The following DNMT3B variants were observed in gnomAD, a reference collection of about 807,000 sequenced individuals.
DNMT3B encodes the protein DNA (cytosine-5)-methyltransferase 3B.
Under a neutral mutation model 120.2 loss-of-function variants are expected in DNMT3B, and 37 were observed. The ratio of observed to expected loss-of-function variants is 0.31; its 90% CI spans 0.24 to 0.40. The LOEUF (loss-of-function observed/expected upper bound fraction) is 0.40, where lower values mean the gene tolerates loss of function less well. Ranked by LOEUF, DNMT3B falls within the 10% of genes least tolerant of loss-of-function variation. The probability of loss-of-function intolerance (pLI) is 1.00; values close to 1 mark genes in which losing one functional copy is unlikely to be tolerated. For missense variants in DNMT3B, 878 were observed against 1,137.3 expected (o/e 0.77, Z 3.28); for synonymous variants, 412 against 442.8 (o/e 0.93, Z 0.87).
chr20:32,796,973 T>C, intron 13 of DNMT3B, 104 bp downstream of exon 13: 4 of 1,613,542 alleles, frequency 2.5e-6, no homozygotes, highest in Non-Finnish European at 3.4e-6. Context: ...AGCCCACTCA[T>C]CCCAGCTGCC....
At position 32,780,544 on chromosome 20, in the gene DNMT3B, G is replaced by A. The variant is rs181671547; in HGVS notation, c.142+79G>A. 3.9e-3 allele frequency: 6,166 copies of A among 1,569,422 alleles called. 50 individuals carry two copies. The Middle Eastern group carries it at 0.055, about 14-fold the overall frequency. On this transcript the variant is annotated intron_variant, in intron 2 of 22. Transcript: ENST00000328111. ...CACTGCAGACAACTGGAGGCTTTGG[G>A]GAGAGTCTCTGACAACCTCCACCAC...
intron 19 of DNMT3B, among the ~76,000 whole-genome samples, chr20:32,802,102 C>T (rs1981409041): frequency 6.6e-6 from 1 of 152,150 alleles, no homozygotes; most frequent in Non-Finnish European, 1.5e-5. Flanking sequence ...TGGAGGATCA[C>T]TTGAGCCCAC....
Position 32,801,349 on chromosome 20 carries a change from C to T in DNMT3B, c.2068C>T (p.Arg690Trp). The T allele has an allele frequency of 6.2e-7, 1 of 1,614,128 alleles. No individual in the cohort carries two copies. Among genetic ancestry groups the T allele is most frequent in the Non-Finnish European group, 8.5e-7 (1 of 1,180,016 alleles). Residue 690 changes from arginine (R) to tryptophan (W), a missense_variant, in exon 19 of 23, where the codon CGG becomes TGG. Arg to Trp is a moderately radical substitution (Grantham distance 101). This residue lies in a region of DNMT3B where 334 missense variants were observed against 518.8 expected (regional missense o/e 0.64). Coordinates refer to ENST00000328111, the MANE Select transcript of DNMT3B (RefSeq NM_006892.4). ...CTCACGCCCCAAGGAGGGTGATGACCGGCCGTTCTTCTGGATGTTTGAGAA... is the reference window on the plus strand; with the variant it reads ...CTCACGCCCCAAGGAGGGTGATGACTGGCCGTTCTTCTGGATGTTTGAGAA... ...NYSRPKEGDD[R>W]PFFWMFENVV... is the part of the protein sequence containing the mutation.
At chr20:32,781,736 A>C (rs1293894780) in intron 3 of DNMT3B, among the ~76,000 whole-genome samples, 3 of 152,256 alleles carry the variant, frequency 2.0e-5, no homozygotes, top group African/African-American at 7.2e-5. Context: ...TACATTTTAA[A>C]TTGAGTGCCA....
intron 12 of DNMT3B, among the ~76,000 whole-genome samples, 194 bp downstream of exon 12, chr20:32,795,888 G>C (rs1980566114): frequency 6.6e-6 from 1 of 152,214 alleles, no homozygotes; most frequent in Admixed American, 6.5e-5. Context: ...CCCCTTAAGA[G>C]AAAGGTACAG....
intron 7 of DNMT3B, among the ~76,000 whole-genome samples, chr20:32,789,700 T>G (rs1383742924): frequency 2.0e-5 from 3 of 152,072 alleles, no homozygotes; most frequent in African/African-American, 7.2e-5. Context: ...TTCAAACAAT[T>G]CTCCTGCCTC....
intron 1 of DNMT3B, among the ~76,000 whole-genome samples, chr20:32,764,671 G>A (rs1987194357): frequency 6.6e-6 from 1 of 152,222 alleles, no homozygotes; most frequent in African/African-American, 2.4e-5. Flanking sequence ...CTACTGCAAA[G>A]GTGTAATTGC....
Position 32,799,306 on chromosome 20 carries a change from ATTGT to A in DNMT3B, c.1741_1744del (p.Phe581MetfsTer8). 2 of 1,613,420 alleles carry A rather than the reference ATTGT, an allele frequency of 1.2e-6. No individual in the cohort carries two copies. Among genetic ancestry groups the A allele is most frequent in the Non-Finnish European group, 1.7e-6 (2 of 1,179,792 alleles). ...GAAGGCGGCCCATTCGAGTCCTGTC[ATTGT>A]TTGATGGCATCGCGACAGGTGAGTT... On this transcript the variant is annotated frameshift_variant, in exon 16 of 23. Coordinates refer to ENST00000328111, the MANE Select transcript of DNMT3B (RefSeq NM_006892.4). LOFTEE classifies it high-confidence loss of function.
chr20:32,774,963 C>G (rs1353827262), intron 1 of DNMT3B, among the ~76,000 whole-genome samples: 1 of 152,052 alleles, frequency 6.6e-6, no homozygotes, highest in African/African-American at 2.4e-5. Flanking sequence ...CTCAAGTGAT[C>G]AACCCGCTTC....
chr20:32,792,224 A>C (rs1457183047), intron 8 of DNMT3B, among the ~76,000 whole-genome samples: 3 of 152,188 alleles, frequency 2.0e-5, no homozygotes, highest in African/African-American at 7.2e-5. Context: ...ACACAAGTTA[A>C]TGTCCCCATC....
At position 32,780,313 on chromosome 20, in the gene DNMT3B, C is replaced by CACAG; in HGVS notation, c.-6-4_-6-1dup. 6.2e-7 allele frequency: 1 copy of CACAG among 1,613,908 alleles called. No individual in the cohort carries two copies. Among genetic ancestry groups the CACAG allele is most frequent in the Non-Finnish European group, 8.5e-7 (1 of 1,180,022 alleles). Reference sequence around the variant, plus strand: ...TCACCCCACCCATTCTGGCTTCTCCCACAGGAAAGCATGAAGGGAGACACC... The same window carrying CACAG: ...TCACCCCACCCATTCTGGCTTCTCCCACAGACAGGAAAGCATGAAGGGAGACACC... On this transcript the variant is annotated splice_region_variant and splice_polypyrimidine_tract_variant and intron_variant, in intron 1 of 22. Transcript: ENST00000328111.
chr20:32,789,066 C>T, intron 7 of DNMT3B, 54 bp downstream of exon 7: 1 of 1,605,734 alleles, frequency 6.2e-7, no homozygotes, highest in Non-Finnish European at 8.5e-7. Context: ...TGCCTGCCTG[C>T]CTCCCTTTGA....
At chr20:32,769,763 T>A (rs1175878074) in intron 1 of DNMT3B, among the ~76,000 whole-genome samples, 3 of 152,116 alleles carry the variant, frequency 2.0e-5, no homozygotes, top group African/African-American at 7.2e-5. Flanking sequence ...TATTATTATT[T>A]TTGAGACAGC....
At position 32,798,556 on chromosome 20, in the gene DNMT3B, G is replaced by A. The variant is rs750133020; in HGVS notation, c.1587G>A (p.Pro529=). 12 of 1,614,104 alleles carry A rather than the reference G, an allele frequency of 7.4e-6. No homozygotes were observed. Among genetic ancestry groups the A allele is most frequent in the Admixed American group, 1.7e-5 (1 of 60,016 alleles). Residue 529 remains proline (P), a synonymous_variant, in exon 15 of 23, where the codon CCG becomes CCA. Transcript: ENST00000328111. The part of the protein sequence containing the change: ...QEPWSCYMCL[P]QRCHGVLRRR... ...CCTGGAGCTGTTACATGTGTCTCCC[G>A]CAGCGCTGTCATGGCGTCCTGCGGC... is the stretch of plus-strand genomic sequence containing the variant.
intron 10 of DNMT3B, among the ~76,000 whole-genome samples, chr20:32,794,585 A>G (rs1323266044): frequency 6.6e-6 from 1 of 151,868 alleles, no homozygotes; most frequent in African/African-American, 2.4e-5. Context: ...AATTTCTTGA[A>G]TCCAGGAGGC....
intron 7 of DNMT3B, among the ~76,000 whole-genome samples, 179 bp from the exon 8 acceptor site, chr20:32,791,422 C>A (rs1227788856): frequency 6.6e-6 from 1 of 152,194 alleles, no homozygotes; most frequent in Non-Finnish European, 1.5e-5. Flanking sequence ...TCTGCCATTT[C>A]TATTTTTCTG....
chr20:32,788,709 A>G, intron 6 of DNMT3B, 145 bp from the exon 7 acceptor site: 12 of 1,032,178 alleles, frequency 1.2e-5, no homozygotes, highest in Non-Finnish European at 1.7e-5. Context: ...AAGTACTGAG[A>G]ATTACAGGCA....
At chr20:32,775,002 G>A (rs868716331) in intron 1 of DNMT3B, among the ~76,000 whole-genome samples, 40 of 151,172 alleles carry the variant, frequency 2.6e-4, no homozygotes, top group Middle Eastern at 3.4e-3. Flanking sequence ...GATTACAAGC[G>A]TGAGCCACCG....
At chr20:32,786,041 G>A (rs1232968444) in intron 4 of DNMT3B, among the ~76,000 whole-genome samples, 2 of 152,032 alleles carry the variant, frequency 1.3e-5, no homozygotes, top group African/African-American at 4.8e-5. Context: ...CCACCACCAT[G>A]CCTGGCTAAT....
Sources: gnomAD v4.1 joint callset for allele counts (sites outside exome capture counted in the v4.1 genomes callset) on GRCh38, gnomAD v4.1.1 for gene constraint, gnomAD v4.1.1 regional missense constraint, MANE v1.5 for transcripts, NCBI Gene and HGNC (gene_info 2026-07-23, HGNC 2026-07-21) for gene names.